Variants in CACNB4 observed in about 807,000 individuals in gnomAD.
The protein encoded by CACNB4 is calcium voltage-gated channel auxiliary subunit beta 4, also known as voltage-dependent L-type calcium channel subunit beta-4.
CACNB4 carries 32 observed loss-of-function variants against 71.2 expected under a neutral mutation model. That is an observed-to-expected ratio of 0.45 (90% confidence interval 0.34 to 0.60). CACNB4 has a LOEUF of 0.60. CACNB4 is among the 20% of genes least tolerant of loss of function. The pLI is 0.01. For synonymous variants in CACNB4, 231 were observed against 236.9 expected (o/e 0.97, Z 0.23); for missense variants, 464 against 647.9 (o/e 0.72, Z 3.08).
In CACNB4 at chr2:152,098,638, C is replaced by A; in HGVS notation, c.64-225G>T. On this transcript the variant is annotated intron_variant, in intron 1 of 13. Transcript: ENST00000539935. This position sits in a 1 kb window ranked among gnomAD's most constrained non-coding sequence, Gnocchi z 5.3. ...TCGAGAAGAGCAGCCCGCAAGCACC[C>A]ACCACATCCATTAACAAAGACTCTC... The A allele has an allele frequency of 6.4e-7, 1 of 1,572,170 alleles. No individual in the cohort carries two copies. Among genetic ancestry groups the A allele is most frequent in the Non-Finnish European group, 8.6e-7 (1 of 1,158,690 alleles).
intron 2 of CACNB4, among the ~76,000 whole-genome samples, chr2:152,077,345 G>C (rs1175027498): frequency 2.0e-5 from 3 of 152,200 alleles, no homozygotes; most frequent in Non-Finnish European, 4.4e-5. Context: ...ATGAGGTCAA[G>C]AGTTCGAGAC....
intron 9 of CACNB4, among the ~76,000 whole-genome samples, chr2:151,865,270 C>T (rs1007064580): frequency 6.6e-6 from 1 of 152,276 alleles, no homozygotes; most frequent in African/African-American, 2.4e-5. Flanking sequence ...CTTTGAGTCT[C>T]CCTAAGTTGT....
At chr2:152,031,456 G>A (rs747664570) in intron 2 of CACNB4, among the ~76,000 whole-genome samples, 14 of 152,182 alleles carry the variant, frequency 9.2e-5, no homozygotes, top group Admixed American at 3.3e-4. Context: ...GCAGGTGAGC[G>A]GAGACTTCTT....
At chr2:151,972,069 CAA>C (rs56104858) in intron 2 of CACNB4, 72,448 of 110,934 alleles carry the variant, frequency 0.65, 24,297 homozygotes, top group Non-Finnish European at 0.8. Context: ...GACCCAAAGG[CAA>C]AAAAAAAAAA....
chr2:151,961,164 C>G (rs137929345), intron 2 of CACNB4, among the ~76,000 whole-genome samples: 100 of 152,334 alleles, frequency 6.6e-4, no homozygotes, highest in African/African-American at 2.3e-3. Context: ...GTTCCCACCA[C>G]TCCTCTCACT....
chr2:151,888,862 A>T lies in CACNB4; in HGVS notation c.148-5492T>A, dbSNP rs78167719. Among the ~76,000 whole-genome samples the T allele has an allele frequency of 7.4e-4, 113 of 152,354 alleles. 3 individuals carry two copies. In the East Asian group the frequency reaches 0.018, roughly 25 times the overall value. On this transcript the variant is annotated intron_variant, in intron 2 of 13. Transcript: ENST00000539935. ...AACATAGTGTACAAGAGTAATGCTG[A>T]TACTACTAAACCAGCGCTGTCCAAT... is the stretch of plus-strand genomic sequence containing the variant.
Position 151,917,799 on chromosome 2 carries a change from C to T in CACNB4, c.148-34429G>A, listed in dbSNP as rs540499741. 6.8e-5 allele frequency among the ~76,000 whole-genome samples: 10 copies of T among 146,548 alleles called. No individual in the cohort carries two copies. In the South Asian group the frequency reaches 1.9e-3, roughly 29 times the overall value. On this transcript the variant is annotated intron_variant, in intron 2 of 13. Coordinates refer to ENST00000539935, the MANE Select transcript of CACNB4 (RefSeq NM_000726.5). ...GCAGTGAGCTGAGATTGCACCACTG[C>T]ACTCCAGCCTAGGCGACAAAGTGAG... is the stretch of plus-strand genomic sequence containing the variant.
chr2:151,895,093 G>GTC (rs1553765384), intron 2 of CACNB4, among the ~76,000 whole-genome samples: 1 of 25,648 alleles, frequency 3.9e-5, no homozygotes, highest in African/African-American at 9.9e-5. Context: ...AACTCAAATA[G>GTC]CCCCACACAC....
At chr2:151,915,211 A>G (rs2099857155) in intron 2 of CACNB4, among the ~76,000 whole-genome samples, 2 of 152,116 alleles carry the variant, frequency 1.3e-5, no homozygotes, top group African/African-American at 4.8e-5. Flanking sequence ...GCCTCACCCA[A>G]TGAGTAAGGA....
At chr2:151,879,649 T>C (rs1032437047) in intron 4 of CACNB4, 3 of 152,216 alleles carry the variant, frequency 2.0e-5, no homozygotes, top group Admixed American at 2.0e-4. Context: ...CTAAAATGAT[T>C]AGCACTTTCT....
At chr2:151,892,223 C>G (rs11680386) in intron 2 of CACNB4, among the ~76,000 whole-genome samples, 2,801 of 152,186 alleles carry the variant, frequency 0.018, 34 homozygotes, top group Middle Eastern at 0.031. Flanking sequence ...CTCACATGGC[C>G]CCCAGAGTGG....
Position 151,870,545 on chromosome 2 carries a change from G to T in CACNB4, c.685C>A (p.Leu229Met). ...GATATTTGTACCTCGTAACCTTTCA[G>T]TGACGGCCCCACTAACACCACCGGA... ...MRPVVLVGPSLKGYEVTDMMQ... is the reference protein window; with the variant it reads ...MRPVVLVGPSMKGYEVTDMMQ... The change falls in exon 8 of 14, where the codon CTG becomes ATG. Residue 229 changes from leucine to methionine, a missense_variant. Leu to Met is a conservative substitution (Grantham distance 15). Transcript: ENST00000539935. 1 of 1,613,404 alleles carries T rather than the reference G, an allele frequency of 6.2e-7. No individual in the cohort carries two copies. Among genetic ancestry groups the T allele is most frequent in the Non-Finnish European group, 8.5e-7 (1 of 1,179,466 alleles).
chr2:151,880,701 G>T, intron 4 of CACNB4, 99 bp downstream of exon 4: 2 of 1,272,632 alleles, frequency 1.6e-6, no homozygotes, highest in Non-Finnish European at 1.1e-6. Flanking sequence ...TACTGCACTG[G>T]CAGCTCCTTG....
chr2:152,049,469 C>T (rs970865098), intron 2 of CACNB4, among the ~76,000 whole-genome samples: 7 of 152,160 alleles, frequency 4.6e-5, no homozygotes, highest in Admixed American at 1.3e-4. Context: ...CTTTCCCTCT[C>T]GTTTCACAAC....
At chr2:151,934,832 T>C (rs2099862529) in intron 2 of CACNB4, among the ~76,000 whole-genome samples, 1 of 152,074 alleles carries the variant, frequency 6.6e-6, no homozygotes, top group Non-Finnish European at 1.5e-5. Context: ...TGAGACTCCA[T>C]CTCAAAAAAA....
chr2:152,086,859 G>A (rs566405604), intron 2 of CACNB4, among the ~76,000 whole-genome samples: 8 of 152,300 alleles, frequency 5.3e-5, no homozygotes, highest in African/African-American at 1.4e-4. Context: ...GGCCGGGCGC[G>A]GTGGCTCACG....
intron 2 of CACNB4, among the ~76,000 whole-genome samples, chr2:152,054,378 A>AG (rs1248565163): frequency 1.3e-5 from 2 of 151,888 alleles, no homozygotes; most frequent in Non-Finnish European, 2.9e-5. Flanking sequence ...AAAAAAAAAA[A>AG]AAAAAAAAAA....
chr2:151,891,949 G>A (rs918492721), intron 2 of CACNB4, among the ~76,000 whole-genome samples: 2 of 152,148 alleles, frequency 1.3e-5, no homozygotes, highest in African/African-American at 4.8e-5. Context: ...TGTGTGACAG[G>A]GTGGCTCCCG....
chr2:152,027,152 C>T (rs1215620024), intron 2 of CACNB4, among the ~76,000 whole-genome samples: 1 of 152,222 alleles, frequency 6.6e-6, no homozygotes, highest in African/African-American at 2.4e-5. Flanking sequence ...GTCCGCCCAC[C>T]TCAGCCTCCC....
Sources: allele counts gnomAD v4.1 joint callset (sites outside exome capture counted in the v4.1 genomes callset), GRCh38; gene constraint gnomAD v4.1.1; non-coding constraint Gnocchi (gnomAD v3.1); transcripts MANE v1.5; gene names NCBI Gene and HGNC (gene_info 2026-07-23, HGNC 2026-07-21).